The following FRMD1 variants were observed in gnomAD, a reference collection of about 807,000 sequenced individuals.
The protein encoded by FRMD1 is FERM domain containing 1.
A neutral mutation model predicts 54.9 loss-of-function variants in FRMD1; 51 were observed. The observed-to-expected ratio is 0.93, with a 90% CI of 0.74 to 1.17. The LOEUF (loss-of-function observed/expected upper bound fraction) is 1.17. FRMD1 is among the 50% of genes most tolerant of loss of function. The pLI, the probability that FRMD1 is intolerant of heterozygous loss-of-function variation, is 0.00. For synonymous variants in FRMD1, 324 were observed against 306.4 expected (o/e 1.06, Z -0.60); for missense variants, 729 against 743.0 (o/e 0.98, Z 0.22).
rs532682749 is a variant in FRMD1 at position 168,053,508 on chromosome 6, G to A, written c.*3589C>T. 1.3e-5 allele frequency: 2 copies of A among 152,458 alleles called. No homozygotes were observed. Among genetic ancestry groups the A allele is most frequent in the African/African-American group, 4.8e-5 (2 of 41,580 alleles). The allele number at this position is 152,458 out of a possible 1,614,324, so 9.4% of individuals were successfully genotyped here. ...ACCCCGAAACGTCTCCCAGCAGACC[G>A]AGCCAAGTGTGTGTCCAGTTCAGCC... On this transcript the variant is annotated 3_prime_UTR_variant, in exon 11 of 11. Coordinates refer to ENST00000283309, the MANE Select transcript of FRMD1 (RefSeq NM_024919.6).
At chr6:168,066,857 C>A (rs751640144) in intron 3 of FRMD1, 26 bp from the exon 4 acceptor site, 1 of 1,608,960 alleles carries the variant, frequency 6.2e-7, no homozygotes, top group South Asian at 1.1e-5. Context: ...CAAGAAAGAG[C>A]AAGTGAGCCG....
intron 1 of FRMD1, among the ~76,000 whole-genome samples, chr6:168,075,568 G>C (rs1210732018): frequency 6.6e-6 from 1 of 152,202 alleles, no homozygotes; most frequent in Non-Finnish European, 1.5e-5. Context: ...GCTCTGGACA[G>C]TGGATCAGGG....
intron 1 of FRMD1, among the ~76,000 whole-genome samples, chr6:168,078,634 T>TGCTCACCCCCACGGCCC (rs1562430240): frequency 6.0e-4 from 21 of 34,726 alleles, no homozygotes; most frequent in South Asian, 2.4e-3. Context: ...CCCCACAGCC[T>TGCTCACCCCCACGGCCC]TGCTCACCCC....
At chr6:168,076,479 G>A (rs1800599811) in intron 1 of FRMD1, among the ~76,000 whole-genome samples, 1 of 152,128 alleles carries the variant, frequency 6.6e-6, no homozygotes, top group South Asian at 2.1e-4. Flanking sequence ...CTGAATCACG[G>A]GGGTGGTTCC....
At chr6:168,067,585 G>A (rs928171561) in intron 2 of FRMD1, 139 bp from the exon 3 acceptor site, 1 of 601,802 alleles carries the variant, frequency 1.7e-6, no homozygotes, top group South Asian at 2.3e-5. Context: ...CTGCATATGG[G>A]GCTTTCCTTG....
chr6:168,058,965 G>A (rs1799566863), intron 10 of FRMD1, among the ~76,000 whole-genome samples, 159 bp downstream of exon 10: 1 of 152,162 alleles, frequency 6.6e-6, no homozygotes, highest in Non-Finnish European at 1.5e-5. Flanking sequence ...GTGCCCGAGA[G>A]CCTTGCTGCT....
intron 5 of FRMD1, among the ~76,000 whole-genome samples, chr6:168,064,370 A>G (rs1406716540): frequency 6.6e-6 from 1 of 152,212 alleles, no homozygotes; most frequent in Non-Finnish European, 1.5e-5. Flanking sequence ...CCATCAGGCC[A>G]GACAGCGCCT....
chr6:168,085,516 C>T (rs1052958154), upstream of FRMD1, among the ~76,000 whole-genome samples: 6 of 152,224 alleles, frequency 3.9e-5, no homozygotes, highest in Admixed American at 1.3e-4. Flanking sequence ...CACAGCCACA[C>T]GCCCCACCAT....
intron 2 of FRMD1, among the ~76,000 whole-genome samples, chr6:168,073,903 C>A (rs530683109): frequency 6.6e-6 from 1 of 152,202 alleles, no homozygotes; most frequent in African/African-American, 2.4e-5. Context: ...GAGAGGTCAG[C>A]TCAGCCCTGT....
At position 168,064,943 on chromosome 6, in the gene FRMD1, A is replaced by G; in HGVS notation, c.576T>C (p.Ala192=). Residue 192 remains alanine (A), a synonymous_variant, in exon 5 of 11, where the codon GCT becomes GCC. Coordinates refer to ENST00000283309, the MANE Select transcript of FRMD1 (RefSeq NM_024919.6). ...CCGACTCCCGGTGCTCGCCCAGGTC[A>G]GCCTGCAGCGCGCAGGCAGCCAGCA... ...YFLLAACALQ[A]DLGEHRESAH... 1 of 1,611,220 alleles carries G rather than the reference A, an allele frequency of 6.2e-7. No individual in the cohort carries two copies. The highest frequency in any genetic ancestry group is 8.5e-7 in the Non-Finnish European group (1 of 1,179,374).
In FRMD1 at chr6:168,060,931, T is replaced by C; in HGVS notation, c.1172A>G (p.Asp391Gly). ...TGACGTGTAGGAACTGCCGTGGCTG[T>C]CGGCGGAGTGGCGTGAGAGGCAGTG... ...CPHCLSRHSA[D>G]SHGSSYTSGI... Residue 391 changes from aspartate (D) to glycine (G), a missense_variant, in exon 9 of 11, where the codon GAC (aspartate) becomes GGC (glycine). Coordinates refer to ENST00000283309, the MANE Select transcript of FRMD1 (RefSeq NM_024919.6). 1 of 1,613,708 alleles carries C rather than the reference T, an allele frequency of 6.2e-7. No individual in the cohort carries two copies. The highest frequency in any genetic ancestry group is 8.5e-7 in the Non-Finnish European group (1 of 1,180,034).
rs896857604 is a variant in FRMD1, at chr6:168,056,252, G to A, written c.*845C>T. 1 of 152,340 alleles carries A rather than the reference G, an allele frequency of 6.6e-6. No individual in the cohort carries two copies. The highest frequency in any genetic ancestry group is 2.1e-4 in the South Asian group (1 of 4,838). The allele number at this position is 152,340 out of a possible 1,614,324, so 9.4% of individuals were successfully genotyped here. ...CGTGGAGCCCACCGGATCAGAGCAG[G>A]TGCCATGCACAGCTAGTCCCCCACT... is the stretch of plus-strand genomic sequence containing the variant. On this transcript the variant is annotated 3_prime_UTR_variant, in exon 11 of 11. Coordinates refer to ENST00000283309, the MANE Select transcript of FRMD1 (RefSeq NM_024919.6).
chr6:168,058,019 G>C (rs541746407), intron 10 of FRMD1, among the ~76,000 whole-genome samples: 1 of 152,252 alleles, frequency 6.6e-6, no homozygotes, highest in Non-Finnish European at 1.5e-5. Context: ...CTGGCCCAGA[G>C]CTCAGGCGGC....
At chr6:168,062,830 G>A in intron 7 of FRMD1, 64 bp downstream of exon 7, 1 of 1,604,402 alleles carries the variant, frequency 6.2e-7, no homozygotes. Flanking sequence ...GACTCCAGTG[G>A]GGAAGGGAGG....
rs144086492 is a variant in FRMD1 at position 168,072,806 on chromosome 6, G to A, written c.304+2439C>T. ...GAACTTTCTTCCCTCATTCTGTCCAGACTAATTTTCTTTTCATTTCTAAAA... is the reference window on the plus strand; with the variant it reads ...GAACTTTCTTCCCTCATTCTGTCCAAACTAATTTTCTTTTCATTTCTAAAA... On this transcript the variant is annotated intron_variant, in intron 2 of 10. Coordinates refer to ENST00000283309, the MANE Select transcript of FRMD1 (RefSeq NM_024919.6). Among the ~76,000 whole-genome samples the A allele has an allele frequency of 1.1e-4, 16 of 152,232 alleles. No individual in the cohort carries two copies. In the East Asian group the frequency reaches 2.5e-3, roughly 24 times the overall value.
chr6:168,077,968 C>T (rs1439747611), intron 1 of FRMD1, among the ~76,000 whole-genome samples: 3 of 152,156 alleles, frequency 2.0e-5, no homozygotes, highest in Non-Finnish European at 4.4e-5. Context: ...TGGGCGTTTA[C>T]GTAAACACAG....
At chr6:168,061,727 C>T (rs540238117) in intron 8 of FRMD1, 80 bp downstream of exon 8, 73 of 1,386,724 alleles carry the variant, frequency 5.3e-5, no homozygotes, top group South Asian at 4.4e-4. Context: ...AGGCATAGTC[C>T]GGCCAGAGCC....
chr6:168,070,970 C>T (rs1301287333), intron 2 of FRMD1, among the ~76,000 whole-genome samples: 4 of 152,218 alleles, frequency 2.6e-5, no homozygotes, highest in African/African-American at 4.8e-5. Context: ...CCTCTCAGCT[C>T]GTGGCAGGCA....
At chr6:168,062,795 C>T (rs1039203591) in intron 7 of FRMD1, 99 bp downstream of exon 7, 9 of 1,604,754 alleles carry the variant, frequency 5.6e-6, no homozygotes, top group South Asian at 4.4e-5. Flanking sequence ...CGCCCATGAC[C>T]GCTGCAGGGA....
Sources: gnomAD v4.1 joint callset for allele counts (sites outside exome capture counted in the v4.1 genomes callset) on GRCh38, gnomAD v4.1.1 for gene constraint, MANE v1.5 for transcripts, NCBI Gene and HGNC (gene_info 2026-07-23, HGNC 2026-07-21) for gene names.